SZT2: variants seen among roughly 807,000 people sequenced by gnomAD.
SZT2 encodes SZT2 subunit of KICSTOR complex, also known as KICSTOR complex protein SZT2.
SZT2 carries 216 observed loss-of-function variants against 404.2 expected under a neutral mutation model. That is an observed-to-expected ratio of 0.53 (90% confidence interval 0.48 to 0.60). The LOEUF (loss-of-function observed/expected upper bound fraction) is 0.60. Ranked by LOEUF, SZT2 falls within the 20% of genes least tolerant of loss-of-function variation. SZT2 has a pLI of 0.00. For synonymous variants in SZT2, 1,693 were observed against 1,749.9 expected (o/e 0.97, Z 0.81); for missense variants, 3,857 against 4,459.2 (o/e 0.86, Z 3.85).
In SZT2 at chr1:43,438,731, C is replaced by T. The variant is rs145034016; in HGVS notation, c.6541C>T (p.Leu2181=). The part of the protein sequence containing the change: ...PEITDELVRV[L]CRRLDEATLD... ...GATCACGGATGAGCTCGTGCGAGTT[C>T]TATGTCGGCGCCTGGATGAGGCCAC... The change falls in exon 47 of 72, where the codon CTA becomes TTA. Residue 2181 remains leucine, a synonymous_variant. Transcript: ENST00000634258. 8.4e-5 allele frequency: 135 copies of T among 1,614,112 alleles called. No homozygotes were observed. Among genetic ancestry groups the T allele is most frequent in the Non-Finnish European group, 1.1e-4 (129 of 1,179,996 alleles).
chr1:43,439,129 C>T lies in SZT2; in HGVS notation c.6792+36C>T, dbSNP rs1654780158. The T allele has an allele frequency of 3.1e-6, 5 of 1,612,668 alleles. No individual in the cohort carries two copies. Among genetic ancestry groups the T allele is most frequent in the East Asian group, 2.2e-5 (1 of 44,856 alleles). ...ACTCATCTCTCTCCACACTCATGTG[C>T]ACCCCTGCCCCCTGCCCCACGCACT... On this transcript the variant is annotated intron_variant, in intron 48 of 71. Coordinates refer to ENST00000634258, the MANE Select transcript of SZT2 (RefSeq NM_001365999.1). The surrounding 1 kb of genome is among the most constrained non-coding windows in gnomAD (Gnocchi z 4.2).
intron 1 of SZT2, among the ~76,000 whole-genome samples, chr1:43,399,256 G>A (rs558146123): frequency 6.6e-6 from 1 of 152,014 alleles, no homozygotes; most frequent in Non-Finnish European, 1.5e-5. Flanking sequence ...TCACTGTTTA[G>A]TTCAGCTGAC....
At chr1:43,444,615 G>C (rs1341764452) in intron 62 of SZT2, among the ~76,000 whole-genome samples, 1 of 152,118 alleles carries the variant, frequency 6.6e-6, no homozygotes, top group Non-Finnish European at 1.5e-5. Flanking sequence ...ACAGGTCTGA[G>C]TCTTGGGAAG....
intron 46 of SZT2, 134 bp downstream of exon 46, chr1:43,438,036 T>A: frequency 2.3e-6 from 2 of 870,640 alleles, no homozygotes; most frequent in South Asian, 1.6e-5. Flanking sequence ...ACATGTTAAG[T>A]GAGCCATAAA....
Position 43,442,986 on chromosome 1 carries a change from T to G in SZT2, c.8319T>G (p.Ala2773=), listed in dbSNP as rs149672814. 2.1e-4 allele frequency: 337 copies of G among 1,614,128 alleles called. 6 individuals carry two copies. The East Asian group carries it at 6.4e-3, about 31-fold the overall frequency. The change falls in exon 59 of 72, where the codon GCT becomes GCG. Residue 2773 remains alanine (A), a synonymous_variant. Transcript: ENST00000634258. The surrounding 1 kb of genome is among the most constrained non-coding windows in gnomAD (Gnocchi z 4.5). ...ACGAGGCCCTAAGGGATATCACGGC[T>G]GCCCGCCCCAGCTCCGTACTTGGTC... ...PFDEALRDIT[A]ARPSSVLGPV...
Position 43,430,788 on chromosome 1 carries a change from G to A in SZT2, c.4773G>A (p.Leu1591=). The change falls in exon 32 of 72, where the codon CTG becomes CTA. Residue 1591 remains leucine, a splice_region_variant and synonymous_variant. Transcript: ENST00000634258. ...CTGTGTGCAGCCTGCCTACCTGCCT[G>A]GGTGAGTTTGAGGCAGCCCGAGGGA... The part of the protein sequence containing the change: ...SVPVCSLPTC[L]GQVLSSLEGP... The A allele has an allele frequency of 6.2e-7, 1 of 1,606,774 alleles. No individual in the cohort carries two copies. The highest frequency in any genetic ancestry group is 8.5e-7 in the Non-Finnish European group (1 of 1,176,418).
Position 43,424,372 on chromosome 1 carries a change from C to T in SZT2, c.2411C>T (p.Ser804Leu). Residue 804 changes from serine to leucine, a missense_variant, in exon 16 of 72, where the codon TCA (serine) becomes TTA (leucine). Physicochemically the swap from Ser to Leu is moderately radical, Grantham distance 145 (BLOSUM62 -2). Coordinates refer to ENST00000634258, the MANE Select transcript of SZT2 (RefSeq NM_001365999.1). This position sits in a 1 kb window ranked among gnomAD's most constrained non-coding sequence, Gnocchi z 4.1. ...CAGCGCTGGCTTTGGAGTGTCCCGTCAGGACTGGCCCCTGCGCTGCCTCTC... is the reference window on the plus strand; with the variant it reads ...CAGCGCTGGCTTTGGAGTGTCCCGTTAGGACTGGCCCCTGCGCTGCCTCTC... Reference protein sequence around the residue: ...YHQRWLWSVPSGLAPALPLSA... With the variant: ...YHQRWLWSVPLGLAPALPLSA... The T allele has an allele frequency of 6.3e-7, 1 of 1,598,108 alleles. No homozygotes were observed.
chr1:43,435,926 G>A (rs916089942), intron 42 of SZT2: 9 of 152,174 alleles, frequency 5.9e-5, no homozygotes, highest in Non-Finnish European at 1.0e-4. Context: ...GAGAACAAGC[G>A]GGCCAGTTCC....
intron 70 of SZT2, chr1:43,449,628 C>A (rs1046337251): frequency 1.5e-5 from 3 of 196,708 alleles, no homozygotes; most frequent in African/African-American, 6.8e-5. Flanking sequence ...ATCAGGGATT[C>A]GAGCTCAGGA....
chr1:43,397,994 C>T (rs1649206465), intron 1 of SZT2, among the ~76,000 whole-genome samples: 1 of 152,120 alleles, frequency 6.6e-6, no homozygotes, highest in South Asian at 2.1e-4. Flanking sequence ...ATGAGGTGAC[C>T]ACGTGCCCAA....
chr1:43,420,811 G>T lies in SZT2; in HGVS notation c.1324G>T (p.Val442Leu), dbSNP rs1570622437. 1.9e-6 allele frequency: 3 copies of T among 1,598,472 alleles called. No homozygotes were observed. The highest frequency in any genetic ancestry group is 2.5e-6 in the Non-Finnish European group (3 of 1,179,816). The change falls in exon 10 of 72, where the codon GTG (valine) becomes TTG (leucine). Residue 442 changes from valine to leucine, a missense_variant. Physicochemically the swap from Val to Leu is conservative, Grantham distance 32. Around this residue, in one of 7 missense-constraint regions of SZT2, gnomAD observed 536 missense variants for 637.4 expected, o/e 0.84. Transcript: ENST00000634258. This position sits in a 1 kb window ranked among gnomAD's most constrained non-coding sequence, Gnocchi z 5.1. ...GAAACACAACATGCGCATTGAGTAT[G>T]TGGCTATGGCACCCTGGCCCCTGGA... ...LWKHNMRIEY[V>L]AMAPWPLEPE...
chr1:43,432,377 C>A lies in SZT2; in HGVS notation c.5380C>A (p.Pro1794Thr). 6.2e-7 allele frequency: 1 copy of A among 1,603,442 alleles called. No homozygotes were observed. Among genetic ancestry groups the A allele is most frequent in the Non-Finnish European group, 8.5e-7 (1 of 1,175,362 alleles). Reference sequence around the variant, plus strand: ...ACAGCCAGGTGGGTCCCATGGGGAGCCTTCTTCAGCGGCCTGGGCTTGGCA... The same window carrying A: ...ACAGCCAGGTGGGTCCCATGGGGAGACTTCTTCAGCGGCCTGGGCTTGGCA... ...GQQPGGSHGEPSSAAWAWHSH... is the reference protein window; with the variant it reads ...GQQPGGSHGETSSAAWAWHSH... Residue 1794 changes from proline to threonine, a missense_variant, in exon 37 of 72, where the codon CCT becomes ACT. Pro to Thr is a conservative substitution (Grantham distance 38). Transcript: ENST00000634258.
At position 43,450,097 on chromosome 1, in the gene SZT2, C is replaced by T. The variant is rs1157785172; in HGVS notation, c.10087-6C>T. The T allele has an allele frequency of 1.2e-6, 2 of 1,614,140 alleles. No individual in the cohort carries two copies. The highest frequency in any genetic ancestry group is 1.7e-6 in the Non-Finnish European group (2 of 1,179,984). Reference sequence around the variant, plus strand: ...GTCTGTGTCCCCTCCTCATCTTTCACTGCAGGTTGTGCTGAATCAGAAGTT... The same window carrying T: ...GTCTGTGTCCCCTCCTCATCTTTCATTGCAGGTTGTGCTGAATCAGAAGTT... On this transcript the variant is annotated splice_polypyrimidine_tract_variant and splice_region_variant and intron_variant, in intron 70 of 71. Transcript: ENST00000634258. The surrounding 1 kb of genome is among the most constrained non-coding windows in gnomAD (Gnocchi z 4.3).
Position 43,437,318 on chromosome 1 carries a change from C to T in SZT2, c.6182C>T (p.Ser2061Phe). Reference sequence around the variant, plus strand: ...AAAATGGGGCCCAGCATGGGGGTCTCTCGGGGTATGTGATTGGCATGAGAG... The same window carrying T: ...AAAATGGGGCCCAGCATGGGGGTCTTTCGGGGTATGTGATTGGCATGAGAG... ...RLKMGPSMGV[S>F]RAIQALRSVL... The change falls in exon 43 of 72, where the codon TCT (serine) becomes TTT (phenylalanine). Residue 2061 changes from serine to phenylalanine, a missense_variant. By Grantham distance (155) the Ser-to-Phe change is radical. This residue lies in a region of SZT2 where 261 missense variants were observed against 372.9 expected (regional missense o/e 0.70). Coordinates refer to ENST00000634258, the MANE Select transcript of SZT2 (RefSeq NM_001365999.1). This position sits in a 1 kb window ranked among gnomAD's most constrained non-coding sequence, Gnocchi z 5.3. The T allele has an allele frequency of 6.2e-7, 1 of 1,614,084 alleles. No homozygotes were observed. The highest frequency in any genetic ancestry group is 1.7e-5 in the Admixed American group (1 of 59,998).
At position 43,453,416 on chromosome 1, in the gene SZT2, A is replaced by G; in HGVS notation, c.*2936A>G. The G allele has an allele frequency of 6.4e-7, 1 of 1,558,332 alleles. No individual in the cohort carries two copies. Among genetic ancestry groups the G allele is most frequent in the Non-Finnish European group, 8.7e-7 (1 of 1,150,378 alleles). On this transcript the variant is annotated 3_prime_UTR_variant, in exon 72 of 72. Transcript: ENST00000634258. ...ACAGCCCAGGGCTTTGGCATACCGCACGGCCTGCTCCAGTCCCTCTCGGAA... is the reference window on the plus strand; with the variant it reads ...ACAGCCCAGGGCTTTGGCATACCGCGCGGCCTGCTCCAGTCCCTCTCGGAA...
chr1:43,425,394 T>A lies in SZT2; in HGVS notation c.2646-80T>A, dbSNP rs570352112. The stretch of plus-strand genomic sequence containing the variant: ...CCTTGTATGACTCGTGGCTGTCCTC[T>A]GTGCCTGCCTCCTTCCCTCCATGAG... On this transcript the variant is annotated intron_variant, in intron 18 of 71. Transcript: ENST00000634258. The surrounding 1 kb of genome is among the most constrained non-coding windows in gnomAD (Gnocchi z 4.3). 4 of 1,584,308 alleles carry A rather than the reference T, an allele frequency of 2.5e-6. No homozygotes were observed. The highest frequency in any genetic ancestry group is 2.3e-5 in the South Asian group (2 of 86,194).
At chr1:43,403,084 A>T (rs1206442375) in intron 1 of SZT2, 93 bp from the exon 2 acceptor site, 12 of 1,378,948 alleles carry the variant, frequency 8.7e-6, no homozygotes, top group Non-Finnish European at 1.2e-5. Context: ...ATTGATGGTG[A>T]GTTCCTTGGG....
rs1234412743 is a variant in SZT2 at position 43,452,774 on chromosome 1, C to T, written c.*2294C>T. The T allele has an allele frequency of 1.2e-5, 11 of 941,568 alleles. No homozygotes were observed. In the African/African-American group the frequency reaches 1.3e-4, roughly 11 times the overall value. 58.3% of individuals were successfully genotyped at this position (941,568 alleles called of 1,614,324 possible). A position where few individuals can be genotyped will look rare whatever the true frequency, so the allele number is the denominator to read the frequency against. ...CCAGTTCCTTCTGAGCCTGTTTGGC[C>T]TCTGCAGGATTTGACATTTGAATCA... On this transcript the variant is annotated 3_prime_UTR_variant, in exon 72 of 72. Transcript: ENST00000634258.
chr1:43,414,107 C>A (rs1014477759), intron 4 of SZT2, among the ~76,000 whole-genome samples: 3 of 151,956 alleles, frequency 2.0e-5, no homozygotes, highest in African/African-American at 7.3e-5. Flanking sequence ...CATGGTGAAA[C>A]CCCGTCTCTA....
Sources: gnomAD v4.1 joint callset for allele counts (sites outside exome capture counted in the v4.1 genomes callset) on GRCh38, gnomAD v4.1.1 for gene constraint, gnomAD v4.1.1 regional missense constraint, Gnocchi (gnomAD v3.1) non-coding constraint, MANE v1.5 for transcripts, NCBI Gene and HGNC (gene_info 2026-07-23, HGNC 2026-07-21) for gene names.